SCGN: variants seen among roughly 807,000 people sequenced by gnomAD.
SCGN encodes secretagogin.
A neutral mutation model predicts 39.7 loss-of-function variants in SCGN; 30 were observed. That is an observed-to-expected ratio of 0.76 (90% CI 0.57 to 1.03). The LOEUF is 1.03. SCGN is among the 50% of genes least tolerant of loss of function. SCGN has a pLI of 0.00. For synonymous variants in SCGN, 106 were observed against 114.1 expected, an observed-to-expected ratio of 0.93 and a Z score of 0.45; for missense variants, 353 against 349.4, an observed-to-expected ratio of 1.01 and a Z score of -0.08.
chr6:25,657,966 AT>A (rs145485806), intron 2 of SCGN, among the ~76,000 whole-genome samples: 1,070 of 92,106 alleles, frequency 0.012, 7 homozygotes, highest in Non-Finnish European at 0.019. Flanking sequence ...ATTTTTTCAC[AT>A]TTTTAGTCTG....
At position 25,653,429 on chromosome 6, in the gene SCGN, A is replaced by G. The variant is rs779887436; in HGVS notation, c.130A>G (p.Met44Val). ...EKELDAFFLH[M>V]LMKLGTDDTV... ...GGAACTCGATGCTTTCTTTCTCCAC[A>G]TGTTGATGAAACTGGGTACTGATGT... Residue 44 changes from methionine to valine, a missense_variant, in exon 2 of 11, where the codon ATG (methionine) becomes GTG (valine). Met to Val is a conservative substitution (Grantham distance 21). Transcript: ENST00000377961. The G allele has an allele frequency of 6.2e-7, 1 of 1,613,238 alleles. No individual in the cohort carries two copies. Among genetic ancestry groups the G allele is most frequent in the Non-Finnish European group, 8.5e-7 (1 of 1,179,402 alleles).
chr6:25,687,044 T>C (rs1759714344), intron 7 of SCGN, among the ~76,000 whole-genome samples: 1 of 152,224 alleles, frequency 6.6e-6, no homozygotes, highest in Non-Finnish European at 1.5e-5. Flanking sequence ...TCCATTTATC[T>C]ACATATCTGT....
intron 10 of SCGN, among the ~76,000 whole-genome samples, chr6:25,693,641 C>A (rs1229439011): frequency 7.3e-6 from 1 of 136,776 alleles, no homozygotes; most frequent in Admixed American, 7.7e-5. Flanking sequence ...AAGAAAACAT[C>A]TAAAAGATAG....
At chr6:25,665,699 C>T (rs771937515) in intron 4 of SCGN, among the ~76,000 whole-genome samples, 14 of 152,318 alleles carry the variant, frequency 9.2e-5, no homozygotes, top group Admixed American at 4.6e-4. Flanking sequence ...GCCACTGTAT[C>T]CGGGACCCCA....
At chr6:25,670,304 G>A (rs551647131) in intron 6 of SCGN, among the ~76,000 whole-genome samples, 1 of 152,272 alleles carries the variant, frequency 6.6e-6, no homozygotes, top group South Asian at 2.1e-4. Context: ...CAGTCTGTGG[G>A]GAAACCTGAA....
At chr6:25,683,368 C>G (rs1297043406) in intron 7 of SCGN, among the ~76,000 whole-genome samples, 2 of 152,150 alleles carry the variant, frequency 1.3e-5, no homozygotes, top group Admixed American at 1.3e-4. Context: ...TCATGGTTCC[C>G]TTCACCAAAA....
At chr6:25,691,678 G>A (rs1759775405) in intron 10 of SCGN, among the ~76,000 whole-genome samples, 1 of 152,172 alleles carries the variant, frequency 6.6e-6, no homozygotes, top group African/African-American at 2.4e-5. Flanking sequence ...TCGAGGTCCT[G>A]TTGAACTGTA....
intron 3 of SCGN, among the ~76,000 whole-genome samples, chr6:25,662,548 G>A (rs1459761453): frequency 6.6e-6 from 1 of 152,172 alleles, no homozygotes; most frequent in Non-Finnish European, 1.5e-5. Flanking sequence ...TCTTGATGCT[G>A]TGACACTGCC....
At chr6:25,691,689 T>C (rs928690157) in intron 10 of SCGN, among the ~76,000 whole-genome samples, 2 of 152,212 alleles carry the variant, frequency 1.3e-5, no homozygotes, top group East Asian at 3.8e-4. Flanking sequence ...TTGAACTGTA[T>C]TGACCAGCTA....
intron 4 of SCGN, among the ~76,000 whole-genome samples, chr6:25,665,924 G>A (rs551340787): frequency 1.3e-5 from 2 of 152,116 alleles, no homozygotes; most frequent in African/African-American, 4.8e-5. Flanking sequence ...TGTCACTGAC[G>A]TTCTGTTGGT....
At chr6:25,692,161 G>T (rs1247937398) in intron 10 of SCGN, among the ~76,000 whole-genome samples, 2 of 152,204 alleles carry the variant, frequency 1.3e-5, no homozygotes, top group Non-Finnish European at 2.9e-5. Flanking sequence ...AATAACTGAT[G>T]AGTATTGGTG....
chr6:25,669,136 A>G (rs550807867), intron 4 of SCGN, among the ~76,000 whole-genome samples: 1 of 150,576 alleles, frequency 6.6e-6, no homozygotes, highest in Admixed American at 6.6e-5. Flanking sequence ...ATCTGTTTTC[A>G]TAGGATGCTG....
chr6:25,667,412 T>C (rs897993109), intron 4 of SCGN, among the ~76,000 whole-genome samples: 2 of 152,220 alleles, frequency 1.3e-5, no homozygotes, highest in African/African-American at 4.8e-5. Flanking sequence ...TTATATCCCA[T>C]TACAGTCTAC....
At chr6:25,669,689 A>G (rs1277025944) in intron 5 of SCGN, 122 bp downstream of exon 5, 9 of 796,056 alleles carry the variant, frequency 1.1e-5, no homozygotes, top group Non-Finnish European at 1.7e-5. Flanking sequence ...CAAAAAATAC[A>G]TACATATGTA....
In SCGN at chr6:25,691,122, C is replaced by T. The variant is rs1277809555; in HGVS notation, c.700C>T (p.Gln234Ter). The change falls in exon 10 of 11, where the codon CAG (glutamine) becomes TAG (stop). Residue 234 changes from glutamine (Q) to a stop codon, truncating the protein, a stop_gained and splice_region_variant. Transcript: ENST00000377961. LOFTEE classifies it high-confidence loss of function. Reference sequence around the variant, plus strand: ...TGTCAAAGACATGATGGAGCTTGTCCAGGTGAGTGCACGTTCTTCTTATTA... The same window carrying T: ...TGTCAAAGACATGATGGAGCTTGTCTAGGTGAGTGCACGTTCTTCTTATTA... ...GFVKDMMELV[Q>*]PSISGVDLDK... 17 of 1,609,424 alleles carry T rather than the reference C, an allele frequency of 1.1e-5. No individual in the cohort carries two copies. The highest frequency in any genetic ancestry group is 1.4e-5 in the Non-Finnish European group (17 of 1,175,996).
chr6:25,665,622 T>C (rs552006608), intron 4 of SCGN, among the ~76,000 whole-genome samples: 1 of 152,328 alleles, frequency 6.6e-6, no homozygotes, highest in East Asian at 1.9e-4. Flanking sequence ...ACTGCTCTGT[T>C]GGTGAAAAAC....
At chr6:25,689,663 G>A (rs2151382468) in intron 9 of SCGN, 131 bp downstream of exon 9, 1 of 726,842 alleles carries the variant, frequency 1.4e-6, no homozygotes, top group Non-Finnish European at 2.4e-6. Flanking sequence ...TGTGTTCTAG[G>A]TCAAGGTACT....
intron 3 of SCGN, among the ~76,000 whole-genome samples, chr6:25,664,278 G>A (rs1313389618): frequency 2.0e-5 from 3 of 152,170 alleles, no homozygotes; most frequent in Non-Finnish European, 2.9e-5. Flanking sequence ...ATCAAGCCAG[G>A]CAGCAGTCAT....
chr6:25,700,225 G>A (rs1271654145), intron 10 of SCGN, among the ~76,000 whole-genome samples: 1 of 127,666 alleles, frequency 7.8e-6, no homozygotes, highest in East Asian at 2.2e-4. Context: ...CAGCAGGGAC[G>A]GCTGCGACTT....
Sources: allele counts gnomAD v4.1 joint callset (sites outside exome capture counted in the v4.1 genomes callset), GRCh38; gene constraint gnomAD v4.1.1; transcripts MANE v1.5; gene names NCBI Gene and HGNC (gene_info 2026-07-23, HGNC 2026-07-21).